NT5C3A: variants seen among roughly 807,000 people sequenced by gnomAD.
NT5C3A encodes the protein cytosolic 5'-nucleotidase 3A.
In NT5C3A, 23 loss-of-function variants were observed where a neutral mutation model predicts 40.0. The observed-to-expected ratio is 0.58, with a 90% confidence interval of 0.41 to 0.81. The LOEUF (loss-of-function observed/expected upper bound fraction) is 0.81. Ranked by LOEUF, NT5C3A falls within the 40% of genes least tolerant of loss-of-function variation. NT5C3A has a pLI of 0.00. For synonymous variants in NT5C3A, 130 were observed against 141.4 expected, an observed-to-expected ratio of 0.92 and a Z score of 0.57; for missense variants, 328 against 403.0, an observed-to-expected ratio of 0.81 and a Z score of 1.59.
intron 5 of NT5C3A, among the ~76,000 whole-genome samples, chr7:33,020,297 A>C (rs528787433): frequency 6.6e-6 from 1 of 151,988 alleles, no homozygotes; most frequent in Admixed American, 6.5e-5. Flanking sequence ...AAAGAAACGA[A>C]AAGAAAAAAA....
At chr7:33,042,502 A>G (rs548115685) in intron 1 of NT5C3A, among the ~76,000 whole-genome samples, 39 of 152,300 alleles carry the variant, frequency 2.6e-4, no homozygotes, top group African/African-American at 9.4e-4. Context: ...AGTAATGAAG[A>G]CTCAAGGGCC....
chr7:33,055,981 A>G (rs1296010780), intron 1 of NT5C3A, among the ~76,000 whole-genome samples: 1 of 152,134 alleles, frequency 6.6e-6, no homozygotes, highest in African/African-American at 2.4e-5. Context: ...ATAATGGCTC[A>G]TGCCTATATT....
At chr7:33,037,167 G>C (rs1460541391) in intron 1 of NT5C3A, among the ~76,000 whole-genome samples, 1 of 152,164 alleles carries the variant, frequency 6.6e-6, no homozygotes, top group Non-Finnish European at 1.5e-5. Context: ...TTTGAATCGA[G>C]CATTGTGTCT....
At chr7:33,024,840 T>C (rs916063247) in intron 2 of NT5C3A, among the ~76,000 whole-genome samples, 1 of 152,126 alleles carries the variant, frequency 6.6e-6, no homozygotes, top group Non-Finnish European at 1.5e-5. Context: ...GTATCGACTT[T>C]AAAAATTGAA....
At chr7:33,035,962 T>C (rs1786575323) in intron 1 of NT5C3A, 1 of 1,613,308 alleles carries the variant, frequency 6.2e-7, no homozygotes, top group Admixed American at 1.7e-5. Context: ...AGACTCTTGA[T>C]TAGTCATTTC....
intron 2 of NT5C3A, among the ~76,000 whole-genome samples, chr7:33,026,079 T>C (rs1353695755): frequency 6.6e-6 from 1 of 151,882 alleles, no homozygotes; most frequent in Non-Finnish European, 1.5e-5. Context: ...CCAGCTGCTC[T>C]GGAAGCTGAG....
intron 1 of NT5C3A, among the ~76,000 whole-genome samples, chr7:33,031,325 T>C (rs1351344774): frequency 1.1e-4 from 16 of 150,252 alleles, no homozygotes; most frequent in Admixed American, 1.1e-3. Flanking sequence ...TGGTGGCTCA[T>C]GCCTGTAATC....
chr7:33,047,551 T>C (rs1169655453), intron 1 of NT5C3A, among the ~76,000 whole-genome samples: 1 of 152,184 alleles, frequency 6.6e-6, no homozygotes, highest in African/African-American at 2.4e-5. Flanking sequence ...TGTGATATAA[T>C]AGCATAAATA....
chr7:33,038,431 A>G (rs1786724356), intron 1 of NT5C3A, among the ~76,000 whole-genome samples: 1 of 151,976 alleles, frequency 6.6e-6, no homozygotes, highest in Non-Finnish European at 1.5e-5. Flanking sequence ...AAGAATGATC[A>G]TCTTTCTCAT....
At chr7:33,025,784 T>C (rs530696386) in intron 2 of NT5C3A, among the ~76,000 whole-genome samples, 3 of 152,346 alleles carry the variant, frequency 2.0e-5, no homozygotes, top group African/African-American at 7.2e-5. Flanking sequence ...TCAAGATATA[T>C]ATTTTCTGGA....
At chr7:33,049,928 C>G (rs1255910386) in intron 1 of NT5C3A, among the ~76,000 whole-genome samples, 1 of 146,522 alleles carries the variant, frequency 6.8e-6, no homozygotes, top group African/African-American at 2.6e-5. Flanking sequence ...CAAGATCGCA[C>G]CACTGCACTC....
intron 1 of NT5C3A, among the ~76,000 whole-genome samples, chr7:33,040,606 G>A (rs1786865809): frequency 6.6e-6 from 1 of 152,120 alleles, no homozygotes; most frequent in Non-Finnish European, 1.5e-5. Flanking sequence ...AAGGTACTTT[G>A]CTTTTTCTCA....
intron 1 of NT5C3A, among the ~76,000 whole-genome samples, chr7:33,053,100 T>C (rs910938155): frequency 2.0e-5 from 3 of 152,194 alleles, no homozygotes; most frequent in African/African-American, 7.2e-5. Flanking sequence ...CGCCAATCAA[T>C]GGCTAGTATT....
chr7:33,056,473 CAAAAAAAAAAAAAAAAAAAAAA>C lies in NT5C3A; in HGVS notation c.138+6073_138+6094del, dbSNP rs70989927. On this transcript the variant is annotated intron_variant, in intron 1 of 8. Coordinates refer to ENST00000610140, the MANE Select transcript of NT5C3A (RefSeq NM_001002010.5). ...GCAAATAGTGAGACCCCGTCTCTAC[CAAAAAAAAAAAAAAAAAAAAAA>C]AAAAAAAAAAAAAAAAAAAAATTTA... Among the ~76,000 whole-genome samples, 136 of 43,722 alleles carry C rather than the reference CAAAAAAAAAAAAAAAAAAAAAA, an allele frequency of 3.1e-3. 2 individuals are homozygous for C. The highest frequency in any genetic ancestry group is 4.5e-3 in the South Asian group (4 of 894). The allele number at this position is 43,722 out of a possible 152,430, so 28.7% of individuals were successfully genotyped here.
chr7:33,048,842 G>A (rs948677256), intron 1 of NT5C3A, among the ~76,000 whole-genome samples: 9 of 152,148 alleles, frequency 5.9e-5, no homozygotes, highest in Non-Finnish European at 1.3e-4. Context: ...AAAGATGTAT[G>A]ACATCACCAA....
At chr7:33,018,244 A>C (rs1358506304) in intron 6 of NT5C3A, among the ~76,000 whole-genome samples, 1 of 152,228 alleles carries the variant, frequency 6.6e-6, no homozygotes, top group Non-Finnish European at 1.5e-5. Flanking sequence ...TTACAGTTTC[A>C]TCAAAATCCA....
Position 33,017,608 on chromosome 7 carries a change from G to A in NT5C3A, c.531-7C>T. On this transcript the variant is annotated splice_polypyrimidine_tract_variant and splice_region_variant and intron_variant, in intron 6 of 8. Coordinates refer to ENST00000610140, the MANE Select transcript of NT5C3A (RefSeq NM_001002010.5). Reference sequence around the variant, plus strand: ...GAAATTCTCATATCCTTCTCTGTAAGATGGAGATAACAAACTGGTTATTAA... The same window carrying A: ...GAAATTCTCATATCCTTCTCTGTAAAATGGAGATAACAAACTGGTTATTAA... 1 of 1,608,654 alleles carries A rather than the reference G, an allele frequency of 6.2e-7. No individual in the cohort carries two copies. Among genetic ancestry groups the A allele is most frequent in the African/African-American group, 1.3e-5 (1 of 74,924 alleles).
At chr7:33,044,393 A>AAT (rs1554292750) in intron 1 of NT5C3A, among the ~76,000 whole-genome samples, 5 of 151,870 alleles carry the variant, frequency 3.3e-5, no homozygotes, top group African/African-American at 1.2e-4. Context: ...ACTTAAAAAA[A>AAT]TTTTTTTTGA....
chr7:33,041,665 T>C (rs1264121153), intron 1 of NT5C3A, among the ~76,000 whole-genome samples: 1 of 152,162 alleles, frequency 6.6e-6, no homozygotes, highest in African/African-American at 2.4e-5. Context: ...TAAAAATTAA[T>C]TTCTGTTTTT....
Sources: gnomAD v4.1 joint callset for allele counts (sites outside exome capture counted in the v4.1 genomes callset) on GRCh38, gnomAD v4.1.1 for gene constraint, MANE v1.5 for transcripts, NCBI Gene and HGNC (gene_info 2026-07-23, HGNC 2026-07-21) for gene names.